Variants in SVEP1 observed in about 807,000 individuals in gnomAD.
The protein encoded by SVEP1 is sushi, von Willebrand factor type A, EGF and pentraxin domain-containing protein 1.
SVEP1 carries 164 observed loss-of-function variants against 367.3 expected under a neutral mutation model. That is an observed-to-expected ratio of 0.45 (90% CI 0.39 to 0.51). The LOEUF (loss-of-function observed/expected upper bound fraction) is 0.51, where lower values mean the gene tolerates loss of function less well. Among genes scored for constraint, SVEP1 ranks in the 20% least tolerant of loss-of-function variants. SVEP1 has a pLI of 0.00. For synonymous variants in SVEP1, 1,666 were observed against 1,611.6 expected (o/e 1.03, Z -0.81); for missense variants, 4,117 against 4,425.3 (o/e 0.93, Z 1.98).
chr9:110,416,768 A>G (rs1828127010), intron 36 of SVEP1, among the ~76,000 whole-genome samples: 4 of 152,144 alleles, frequency 2.6e-5, no homozygotes. Flanking sequence ...AAGAGAAAAC[A>G]TATTACTTAT....
chr9:110,569,404 C>T (rs911094273), intron 1 of SVEP1, among the ~76,000 whole-genome samples: 3 of 144,348 alleles, frequency 2.1e-5, no homozygotes, highest in African/African-American at 7.8e-5. Flanking sequence ...TGTGGTGAGC[C>T]GAGATTGCGC....
Position 110,579,082 on chromosome 9 carries a change from G to T in SVEP1, c.462C>A (p.Leu154=), listed in dbSNP as rs780876896. ...GGTAGGAGATGGCAGGGATCTCTTG[G>T]AGGAGCAGCGCGCACTTGTGCTGGC... ...RARQHKCALL[L]QEIPAISYRG... Residue 154 remains leucine, a synonymous_variant, in exon 1 of 48, where the codon CTC becomes CTA. Coordinates refer to ENST00000374469, the MANE Select transcript of SVEP1 (RefSeq NM_153366.4). This position sits in a 1 kb window ranked among gnomAD's most constrained non-coding sequence, Gnocchi z 5.3. 1 of 1,551,622 alleles carries T rather than the reference G, an allele frequency of 6.4e-7. No individual in the cohort carries two copies. The highest frequency in any genetic ancestry group is 1.2e-5 in the South Asian group (1 of 84,092).
At chr9:110,468,830 G>T in intron 17 of SVEP1, 110 bp downstream of exon 17, 2 of 1,052,938 alleles carry the variant, frequency 1.9e-6, no homozygotes, top group African/African-American at 3.2e-5. Context: ...TTTGCCACAG[G>T]GGCCTCAGAC....
intron 37 of SVEP1, among the ~76,000 whole-genome samples, 161 bp from the exon 38 acceptor site, chr9:110,409,112 A>G (rs968508791): frequency 1.3e-5 from 2 of 152,182 alleles, no homozygotes; most frequent in African/African-American, 4.8e-5. Flanking sequence ...GATCCATTCT[A>G]TTTTTTTAAA....
At chr9:110,522,138 A>G (rs568697150) in intron 3 of SVEP1, among the ~76,000 whole-genome samples, 1 of 152,280 alleles carries the variant, frequency 6.6e-6, no homozygotes, top group African/African-American at 2.4e-5. Flanking sequence ...AAAATTACCA[A>G]TGGATAATTA....
chr9:110,499,474 G>A (rs1829499663), intron 6 of SVEP1, among the ~76,000 whole-genome samples: 1 of 152,032 alleles, frequency 6.6e-6, no homozygotes, highest in Admixed American at 6.6e-5. Context: ...AAAAACTTCT[G>A]ATATTTTAAT....
intron 9 of SVEP1, among the ~76,000 whole-genome samples, chr9:110,484,784 G>C (rs954334568): frequency 5.3e-5 from 8 of 151,370 alleles, no homozygotes; most frequent in African/African-American, 1.7e-4. Flanking sequence ...GACATGAACA[G>C]ACACTTTTCA....
chr9:110,404,619 A>G, intron 38 of SVEP1, 67 bp from the exon 39 acceptor site: 1 of 1,451,960 alleles, frequency 6.9e-7, no homozygotes, highest in East Asian at 2.3e-5. Context: ...CTATCCTTGG[A>G]TTTAGGAAGC....
chr9:110,570,467 CGT>C (rs59503025), intron 1 of SVEP1, among the ~76,000 whole-genome samples: 5,509 of 146,788 alleles, frequency 0.038, 115 homozygotes, highest in African/African-American at 0.057. Flanking sequence ...GTTTCTGTTG[CGT>C]GTGTGTGTGT....
chr9:110,523,229 T>C (rs552809948), intron 3 of SVEP1, among the ~76,000 whole-genome samples: 9 of 152,322 alleles, frequency 5.9e-5, no homozygotes, highest in African/African-American at 2.2e-4. Flanking sequence ...CTTATACTTT[T>C]CATTCTCTGC....
intron 38 of SVEP1, among the ~76,000 whole-genome samples, 172 bp from the exon 39 acceptor site, chr9:110,404,724 T>C (rs1827929218): frequency 6.6e-6 from 1 of 151,972 alleles, no homozygotes; most frequent in Non-Finnish European, 1.5e-5. Flanking sequence ...AACACCAACA[T>C]AACAATAACA....
intron 28 of SVEP1, 114 bp from the exon 29 acceptor site, chr9:110,435,478 GAGGGAAGCAGGTATGATTTC>G (rs1426013799): frequency 7.3e-6 from 9 of 1,232,018 alleles, no homozygotes; most frequent in Non-Finnish European, 9.0e-6. Flanking sequence ...GATGGGGGTG[GAGGGAAGCAGGTATGATTTC>G]AGGGGCAGCA....
intron 46 of SVEP1, 45 bp from the exon 47 acceptor site, chr9:110,370,061 T>A (rs1827253872): frequency 2.6e-6 from 4 of 1,552,702 alleles, no homozygotes; most frequent in Non-Finnish European, 3.5e-6. Context: ...TACTTAGCAA[T>A]TCTGATGATA....
intron 7 of SVEP1, among the ~76,000 whole-genome samples, chr9:110,498,595 A>G (rs1001420409): frequency 2.0e-5 from 3 of 152,128 alleles, no homozygotes; most frequent in African/African-American, 7.2e-5. Context: ...TTTTACTTCT[A>G]AGAACTCTTT....
At chr9:110,430,098 GTTTGTTTTCTTTTTTTTTTTT>G in intron 33 of SVEP1, 94 bp from the exon 34 acceptor site, 1 of 1,251,560 alleles carries the variant, frequency 8.0e-7, no homozygotes. Context: ...TTTTTTGTTT[GTTTGTTTTCTTTTTTTTTTTT>G]TTTGGTGTGT....
intron 40 of SVEP1, among the ~76,000 whole-genome samples, chr9:110,394,792 A>C (rs1323225461): frequency 6.6e-6 from 1 of 152,184 alleles, no homozygotes; most frequent in Admixed American, 6.5e-5. Context: ...CAAGAAGAGA[A>C]GTTTAGAGAA....
At chr9:110,525,275 T>C (rs10980428) in intron 3 of SVEP1, among the ~76,000 whole-genome samples, 22,308 of 152,120 alleles carry the variant, frequency 0.15, 1,873 homozygotes, top group East Asian at 0.36. Context: ...CAGGACACAA[T>C]GGAAACAAAC....
intron 3 of SVEP1, among the ~76,000 whole-genome samples, chr9:110,541,263 TTTA>T (rs991155185): frequency 5.2e-5 from 1 of 19,120 alleles, no homozygotes; most frequent in Non-Finnish European, 1.0e-4. Flanking sequence ...TTTTGTCTGT[TTTA>T]TTATTATTGT....
At chr9:110,431,814 A>G (rs1828353172) in intron 32 of SVEP1, 101 bp downstream of exon 32, 1 of 1,461,172 alleles carries the variant, frequency 6.8e-7, no homozygotes, top group African/African-American at 1.4e-5. Flanking sequence ...TGCCCTTTGA[A>G]GTTGAAACAA....
Sources: gnomAD v4.1 joint callset for allele counts (sites outside exome capture counted in the v4.1 genomes callset) on GRCh38, gnomAD v4.1.1 for gene constraint, Gnocchi (gnomAD v3.1) non-coding constraint, MANE v1.5 for transcripts, NCBI Gene and HGNC (gene_info 2026-07-23, HGNC 2026-07-21) for gene names.